Variants in ITFG1 observed in about 807,000 individuals in gnomAD.
ITFG1 encodes integrin alpha FG-GAP repeat containing 1.
ITFG1 carries 34 observed loss-of-function variants against 81.8 expected under a neutral mutation model. The ratio of observed to expected loss-of-function variants is 0.42; its 90% CI spans 0.32 to 0.55. The LOEUF (loss-of-function observed/expected upper bound fraction) is 0.55, where lower values mean the gene tolerates loss of function less well. Ranked by LOEUF, ITFG1 falls within the 20% of genes least tolerant of loss-of-function variation. The pLI is 0.17. For missense variants in ITFG1, 672 were observed against 755.4 expected (o/e 0.89, Z 1.29); for synonymous variants, 285 against 270.6 (o/e 1.05, Z -0.52).
intron 2 of ITFG1, 146 bp from the exon 3 acceptor site, chr16:47,454,304 C>A: frequency 1.4e-6 from 1 of 712,754 alleles, no homozygotes; most frequent in Non-Finnish European, 2.4e-6. Flanking sequence ...ATCTTTTCAT[C>A]CATCATGTAT....
chr16:47,308,604 T>C (rs1354890212), intron 10 of ITFG1, among the ~76,000 whole-genome samples: 1 of 152,178 alleles, frequency 6.6e-6, no homozygotes, highest in Admixed American at 6.5e-5. Context: ...TGAAAAACGA[T>C]GGTAAAGTAA....
At position 47,421,598 on chromosome 16, in the gene ITFG1, C is replaced by G. The variant is rs560255009; in HGVS notation, c.655+7206G>C. On this transcript the variant is annotated intron_variant, in intron 6 of 17. Coordinates refer to ENST00000320640, the MANE Select transcript of ITFG1 (RefSeq NM_030790.5). ...GATTACAGGGGTGAGCCACCATGCCCGGACTAGCCAGTCTATATTTTTAAG... is the reference window on the plus strand; with the variant it reads ...GATTACAGGGGTGAGCCACCATGCCGGGACTAGCCAGTCTATATTTTTAAG... 6.6e-5 allele frequency among the ~76,000 whole-genome samples: 10 copies of G among 152,226 alleles called. No individual in the cohort carries two copies. The East Asian group carries it at 1.9e-3, about 29-fold the overall frequency.
At chr16:47,454,285 C>A (rs749101452) in intron 2 of ITFG1, 127 bp from the exon 3 acceptor site, 3 of 774,522 alleles carry the variant, frequency 3.9e-6, no homozygotes, top group Non-Finnish European at 6.5e-6. Flanking sequence ...TGATTGCCTT[C>A]TCTTTCCTAT....
intron 8 of ITFG1, among the ~76,000 whole-genome samples, chr16:47,346,525 A>G (rs1219376364): frequency 6.6e-6 from 1 of 152,212 alleles, no homozygotes; most frequent in Non-Finnish European, 1.5e-5. Context: ...AAAATCTACA[A>G]ACTGTTAGCT....
At chr16:47,181,431 G>A (rs376006979) in intron 14 of ITFG1, among the ~76,000 whole-genome samples, 3 of 137,850 alleles carry the variant, frequency 2.2e-5, no homozygotes, top group Non-Finnish European at 4.7e-5. Context: ...CCGGCCAGCC[G>A]CCCCGTCCGG....
At chr16:47,404,483 A>C (rs1053870927) in intron 6 of ITFG1, among the ~76,000 whole-genome samples, 1 of 152,184 alleles carries the variant, frequency 6.6e-6, no homozygotes, top group Non-Finnish European at 1.5e-5. Context: ...TATAAAGACT[A>C]ATAAATACCC....
chr16:47,188,114 CA>C (rs1305338603), intron 14 of ITFG1, among the ~76,000 whole-genome samples: 11 of 150,716 alleles, frequency 7.3e-5, no homozygotes, highest in Non-Finnish European at 1.3e-4. Flanking sequence ...CAGGAAACAA[CA>C]GGTGCTGGAG....
chr16:47,365,733 A>C, intron 8 of ITFG1, 55 bp downstream of exon 8: 1 of 1,010,226 alleles, frequency 9.9e-7, no homozygotes, highest in South Asian at 1.4e-5. Context: ...GAACAGAAAG[A>C]AGGAGAGAAT....
At chr16:47,198,967 T>C (rs1255780684) in intron 14 of ITFG1, among the ~76,000 whole-genome samples, 1 of 152,084 alleles carries the variant, frequency 6.6e-6, no homozygotes, top group African/African-American at 2.4e-5. Flanking sequence ...TGAAGAAAAA[T>C]ATTTTTTAAA....
chr16:47,377,153 A>G (rs907056581), intron 6 of ITFG1, among the ~76,000 whole-genome samples: 1 of 152,092 alleles, frequency 6.6e-6, no homozygotes, highest in African/African-American at 2.4e-5. Flanking sequence ...TTGTAATAAT[A>G]AAGATTTTCA....
chr16:47,168,545 G>GTTTTTT (rs758632507), intron 14 of ITFG1, among the ~76,000 whole-genome samples: 3 of 117,678 alleles, frequency 2.5e-5, no homozygotes, highest in Admixed American at 8.7e-5. Context: ...CTAATTAAAA[G>GTTTTTT]TTTTTTTTTT....
intron 6 of ITFG1, among the ~76,000 whole-genome samples, chr16:47,390,305 T>C (rs890191424): frequency 5.3e-5 from 8 of 152,220 alleles, no homozygotes; most frequent in African/African-American, 1.7e-4. Context: ...GCTGAAAGTT[T>C]GTTGTGAGGT....
In ITFG1 at chr16:47,340,087, C is replaced by T. The variant is rs570255261; in HGVS notation, c.802+25701G>A. ...AACACTCAAAGAAAAACAGTAAACC[C>T]AAAATTTTATATAATGTAAAACTTT... On this transcript the variant is annotated intron_variant, in intron 8 of 17. Transcript: ENST00000320640. Among the ~76,000 whole-genome samples the T allele has an allele frequency of 8.4e-4, 127 of 152,018 alleles. 1 individual carries two copies. Among genetic ancestry groups the T allele is most frequent in the African/African-American group, 2.9e-3 (121 of 41,484 alleles).
At chr16:47,434,498 G>C (rs1596981815) in intron 5 of ITFG1, among the ~76,000 whole-genome samples, 1 of 152,076 alleles carries the variant, frequency 6.6e-6, no homozygotes, top group Non-Finnish European at 1.5e-5. Context: ...ACCACAATGA[G>C]ATACCATCTC....
intron 6 of ITFG1, among the ~76,000 whole-genome samples, chr16:47,417,128 T>C (rs754815940): frequency 6.6e-6 from 1 of 152,242 alleles, no homozygotes; most frequent in Admixed American, 6.5e-5. Context: ...ATACAATGAA[T>C]AGCAGAGAGG....
rs568102362 is a variant in ITFG1, at chr16:47,209,007, T to C, written c.1453+9861A>G. 5.3e-5 allele frequency among the ~76,000 whole-genome samples: 8 copies of C among 152,090 alleles called. No individual in the cohort carries two copies. In the South Asian group the frequency reaches 1.5e-3, roughly 28 times the overall value. On this transcript the variant is annotated intron_variant, in intron 14 of 17. Coordinates refer to ENST00000320640, the MANE Select transcript of ITFG1 (RefSeq NM_030790.5). ...AAATGTTTATCATTGTCATCCAACT[T>C]AGAATAAGAAGGGGGAAAACATAAG...
chr16:47,338,237 C>T (rs915017147), intron 8 of ITFG1, among the ~76,000 whole-genome samples: 2 of 152,152 alleles, frequency 1.3e-5, no homozygotes, highest in African/African-American at 4.8e-5. Flanking sequence ...TGGTGAAACC[C>T]TGTCTCTAGT....
At chr16:47,211,826 C>T (rs1265195035) in intron 14 of ITFG1, among the ~76,000 whole-genome samples, 1 of 152,050 alleles carries the variant, frequency 6.6e-6, no homozygotes, top group African/African-American at 2.4e-5. Flanking sequence ...ATTTTTTAAT[C>T]TTGAACTGGC....
chr16:47,188,386 G>T (rs1965251134), intron 14 of ITFG1, among the ~76,000 whole-genome samples: 1 of 151,286 alleles, frequency 6.6e-6, no homozygotes, highest in African/African-American at 2.4e-5. Context: ...ATGATAGACT[G>T]GATTAAGAAA....
Sources: allele counts gnomAD v4.1 joint callset (sites outside exome capture counted in the v4.1 genomes callset), GRCh38; gene constraint gnomAD v4.1.1; transcripts MANE v1.5; gene names NCBI Gene and HGNC (gene_info 2026-07-23, HGNC 2026-07-21).